ZNF578: variants seen among roughly 807,000 people sequenced by gnomAD.
ZNF578 encodes Putative chemokine-related protein B42.
ZNF578 carries 8 observed loss-of-function variants against 8.3 expected under a neutral mutation model. The observed-to-expected ratio is 0.96, with a 90% CI of 0.56 to 1.74. The LOEUF is 1.74. Ranked by LOEUF, ZNF578 falls within the 40% of genes most tolerant of loss-of-function variation. ZNF578 has a pLI of 0.00. For missense variants in ZNF578, 726 were observed against 707.5 expected (o/e 1.03, Z -0.30); for synonymous variants, 206 against 232.2 (o/e 0.89, Z 1.03).
Position 52,512,323 on chromosome 19 carries a change from C to A in ZNF578, c.*169C>A, listed in dbSNP as rs1156515127. ...AGTCAACACTTACCATCAGGCCATT[C>A]ATGGTGTAGGGAAACTTGACTAATG... On this transcript the variant is annotated 3_prime_UTR_variant, in exon 6 of 6. Transcript: ENST00000421239. 2.0e-6 allele frequency: 3 copies of A among 1,538,206 alleles called. No homozygotes were observed. The highest frequency in any genetic ancestry group is 2.7e-5 in the African/African-American group (2 of 73,256).
At position 52,514,899 on chromosome 19, in the gene ZNF578, G is replaced by T. The variant is rs12462347; in HGVS notation, c.*2745G>T. On this transcript the variant is annotated 3_prime_UTR_variant, in exon 6 of 6. Coordinates refer to ENST00000421239, the MANE Select transcript of ZNF578 (RefSeq NM_001099694.2). ...GCTGGTCTCAAACTCCTGACCTCGC[G>T]ATCCACCCGACTCAGCCTCCCACTG... 2.0e-5 allele frequency among the ~76,000 whole-genome samples: 3 copies of T among 150,458 alleles called. No homozygotes were observed. Among genetic ancestry groups the T allele is most frequent in the Non-Finnish European group, 4.4e-5 (3 of 67,898 alleles).
intron 4 of ZNF578, among the ~76,000 whole-genome samples, chr19:52,502,185 G>A (rs2059410347): frequency 6.6e-6 from 1 of 152,156 alleles, no homozygotes. Context: ...GGATTAACAT[G>A]GGGTGTGGGC....
rs2059460684 is a variant in ZNF578, at chr19:52,513,741, A to AG, written c.*1587_*1588insG. On this transcript the variant is annotated 3_prime_UTR_variant, in exon 6 of 6. Transcript: ENST00000421239. ...TGAGAGTCTGTCTCAAAAAAAAAAA[A>AG]AAAAAGATATCAAACCCGGGGTGTC... is the stretch of plus-strand genomic sequence containing the variant. 6.6e-6 allele frequency among the ~76,000 whole-genome samples: 1 copy of AG among 151,480 alleles called. No individual in the cohort carries two copies. Among genetic ancestry groups the AG allele is most frequent in the Non-Finnish European group, 1.5e-5 (1 of 67,862 alleles).
At chr19:52,491,664 A>G (rs982908756) in intron 3 of ZNF578, among the ~76,000 whole-genome samples, 2 of 152,116 alleles carry the variant, frequency 1.3e-5, no homozygotes, top group African/African-American at 4.8e-5. Context: ...GCAGTGAGCC[A>G]CGATCTCGCA....
intron 2 of ZNF578, among the ~76,000 whole-genome samples, chr19:52,483,993 C>A (rs966847909): frequency 1.3e-5 from 2 of 152,088 alleles, no homozygotes; most frequent in Admixed American, 6.6e-5. Context: ...GGAGGACCCA[C>A]GCTGGCTCCA....
chr19:52,455,971 C>T (rs2059238474), intron 1 of ZNF578: 1 of 152,410 alleles, frequency 6.6e-6, no homozygotes. Flanking sequence ...GCCTTGCTCC[C>T]TCTGCTGTAG....
chr19:52,466,085 T>G (rs1486191945), intron 2 of ZNF578, among the ~76,000 whole-genome samples: 1 of 152,232 alleles, frequency 6.6e-6, no homozygotes, highest in African/African-American at 2.4e-5. Context: ...TCCACACTAT[T>G]GTGTACAATC....
chr19:52,507,466 G>A (rs955051637), intron 5 of ZNF578, among the ~76,000 whole-genome samples: 4 of 152,168 alleles, frequency 2.6e-5, no homozygotes, highest in African/African-American at 9.6e-5. Flanking sequence ...GCTGAGGCAC[G>A]AGACTCTCTT....
chr19:52,476,862 C>T (rs1275520066), intron 2 of ZNF578, among the ~76,000 whole-genome samples: 2 of 152,178 alleles, frequency 1.3e-5, no homozygotes, highest in African/African-American at 4.8e-5. Flanking sequence ...CATAAAATTT[C>T]TTTTCTTTAA....
intron 2 of ZNF578, among the ~76,000 whole-genome samples, chr19:52,477,949 G>T (rs1255160109): frequency 6.6e-6 from 1 of 152,206 alleles, no homozygotes; most frequent in Non-Finnish European, 1.5e-5. Flanking sequence ...TCCCTCTTCT[G>T]TAATTGTGGC....
At chr19:52,498,831 C>T (rs1268969402) in intron 3 of ZNF578, among the ~76,000 whole-genome samples, 7 of 151,976 alleles carry the variant, frequency 4.6e-5, no homozygotes, top group Admixed American at 1.3e-4. Flanking sequence ...CACAGATGCA[C>T]GCCACGATGC....
At chr19:52,482,376 G>A (rs569365063) in intron 2 of ZNF578, among the ~76,000 whole-genome samples, 7 of 151,462 alleles carry the variant, frequency 4.6e-5, no homozygotes, top group South Asian at 2.1e-4. Context: ...GGTGGCTCAC[G>A]CCAGTAATCC....
chr19:52,497,098 A>G (rs1435967927), intron 3 of ZNF578, among the ~76,000 whole-genome samples: 2 of 150,648 alleles, frequency 1.3e-5, no homozygotes, highest in African/African-American at 2.4e-5. Flanking sequence ...AGGCCTGGCT[A>G]TTGTTTAGAT....
At chr19:52,497,076 GC>G (rs2059389599) in intron 3 of ZNF578, among the ~76,000 whole-genome samples, 1 of 151,560 alleles carries the variant, frequency 6.6e-6, no homozygotes, top group African/African-American at 2.4e-5. Context: ...GGGGCCACAG[GC>G]ACGCCCCACG....
At chr19:52,459,713 ATGTG>A (rs1555751309) in intron 2 of ZNF578, among the ~76,000 whole-genome samples, 18 of 18,238 alleles carry the variant, frequency 9.9e-4, no homozygotes, top group South Asian at 9.3e-3. Flanking sequence ...ATATGTAGAT[ATGTG>A]TGTGTGTGTG....
At chr19:52,505,094 T>C (rs2059420924) in intron 5 of ZNF578, among the ~76,000 whole-genome samples, 1 of 152,060 alleles carries the variant, frequency 6.6e-6, no homozygotes, top group Admixed American at 6.6e-5. Flanking sequence ...TCCATGTTGG[T>C]CAGGCTCGTC....
intron 2 of ZNF578, chr19:52,474,130 C>A: frequency 3.0e-6 from 1 of 334,978 alleles, no homozygotes; most frequent in South Asian, 2.6e-5. Flanking sequence ...GCCTGAAGAC[C>A]TTGCCACGTT....
At chr19:52,505,405 A>AT (rs756100367) in intron 5 of ZNF578, among the ~76,000 whole-genome samples, 4 of 136,810 alleles carry the variant, frequency 2.9e-5, no homozygotes, top group Admixed American at 7.8e-5. Flanking sequence ...GTCATTGTTC[A>AT]TTTTTTGTTT....
In ZNF578 at chr19:52,481,154, T is replaced by C. The variant is rs889109906; in HGVS notation, c.-121-10170T>C. On this transcript the variant is annotated intron_variant, in intron 2 of 5. Coordinates refer to ENST00000421239, the MANE Select transcript of ZNF578 (RefSeq NM_001099694.2). ...GCCTGGGGTTATACCTTGAACCTTATATTACTCTCAGTACCTCTTTAGGGC... is the reference window on the plus strand; with the variant it reads ...GCCTGGGGTTATACCTTGAACCTTACATTACTCTCAGTACCTCTTTAGGGC... 3.1e-4 allele frequency among the ~76,000 whole-genome samples: 47 copies of C among 152,212 alleles called. 1 individual carries two copies. Among genetic ancestry groups the C allele is most frequent in the African/African-American group, 1.0e-3 (42 of 41,526 alleles).
Sources: allele counts gnomAD v4.1 joint callset (sites outside exome capture counted in the v4.1 genomes callset), GRCh38; gene constraint gnomAD v4.1.1; transcripts MANE v1.5; gene names NCBI Gene and HGNC (gene_info 2026-07-23, HGNC 2026-07-21).